The following LRRC4C variants were observed in gnomAD, a reference collection of about 807,000 sequenced individuals.
The protein encoded by LRRC4C is leucine-rich repeat-containing protein 4C.
LRRC4C carries 5 observed loss-of-function variants against 33.6 expected under a neutral mutation model. The observed-to-expected ratio is 0.15, with a 90% CI of 0.08 to 0.31. The LOEUF (loss-of-function observed/expected upper bound fraction) is 0.31, where lower values mean the gene tolerates loss of function less well. LRRC4C is among the 10% of genes least tolerant of loss of function. The pLI is 1.00. For missense variants in LRRC4C, 560 were observed against 796.7 expected, an observed-to-expected ratio of 0.70 and a Z score of 3.58; for synonymous variants, 329 against 302.0, an observed-to-expected ratio of 1.09 and a Z score of -0.93.
intron 3 of LRRC4C, among the ~76,000 whole-genome samples, chr11:40,467,309 T>G (rs1254761205): frequency 6.6e-6 from 1 of 152,128 alleles, no homozygotes; most frequent in Non-Finnish European, 1.5e-5. Context: ...TGTGTGAGAC[T>G]AATTTCTTTT....
chr11:40,178,285 C>T (rs1009227463), intron 5 of LRRC4C, among the ~76,000 whole-genome samples: 1 of 152,126 alleles, frequency 6.6e-6, no homozygotes, highest in African/African-American at 2.4e-5. Context: ...ATTCTGCCTA[C>T]CTAAACTGGG....
intron 2 of LRRC4C, among the ~76,000 whole-genome samples, chr11:40,668,185 T>G (rs2136253244): frequency 6.6e-6 from 1 of 152,348 alleles, no homozygotes; most frequent in African/African-American, 2.4e-5. Context: ...TATAAATATG[T>G]TTATAAATGA....
intron 2 of LRRC4C, among the ~76,000 whole-genome samples, chr11:40,711,018 C>T (rs1350362360): frequency 6.6e-6 from 1 of 152,188 alleles, no homozygotes; most frequent in Non-Finnish European, 1.5e-5. Context: ...GATAAAATCT[C>T]CTGGTGTGCC....
chr11:40,530,721 A>G (rs1293388911), intron 3 of LRRC4C, among the ~76,000 whole-genome samples: 4 of 152,180 alleles, frequency 2.6e-5, no homozygotes, highest in Admixed American at 2.6e-4. Flanking sequence ...TGAATGAGAT[A>G]AGGCCCCGTC....
chr11:41,384,217 T>C (rs1953266040), intron 1 of LRRC4C, among the ~76,000 whole-genome samples: 1 of 151,994 alleles, frequency 6.6e-6, no homozygotes, highest in Non-Finnish European at 1.5e-5. Flanking sequence ...TCAACTTTTC[T>C]GTAGTACTTC....
intron 5 of LRRC4C, among the ~76,000 whole-genome samples, chr11:40,181,249 A>G (rs552507063): frequency 6.6e-6 from 1 of 152,160 alleles, no homozygotes; most frequent in African/African-American, 2.4e-5. Context: ...CTCCCATTTG[A>G]GTACCATGCA....
chr11:41,179,077 G>A (rs995627035), intron 1 of LRRC4C, among the ~76,000 whole-genome samples: 1 of 151,994 alleles, frequency 6.6e-6, no homozygotes, highest in Non-Finnish European at 1.5e-5. Flanking sequence ...CACTGGTGCA[G>A]CTAGATTAAA....
At chr11:40,238,956 C>T (rs949784388) in intron 5 of LRRC4C, among the ~76,000 whole-genome samples, 1 of 152,108 alleles carries the variant, frequency 6.6e-6, no homozygotes, top group South Asian at 2.1e-4. Flanking sequence ...GTAACAGTCC[C>T]ATACAAGACC....
At chr11:41,290,210 T>C (rs1224554351) in intron 1 of LRRC4C, among the ~76,000 whole-genome samples, 2 of 152,188 alleles carry the variant, frequency 1.3e-5, no homozygotes, top group Non-Finnish European at 2.9e-5. Context: ...AGTTTAATGA[T>C]GTAGTATGGT....
At chr11:40,642,353 G>C (rs1224395661) in intron 3 of LRRC4C, among the ~76,000 whole-genome samples, 1 of 152,156 alleles carries the variant, frequency 6.6e-6, no homozygotes, top group Non-Finnish European at 1.5e-5. Context: ...ATCTAGAAAT[G>C]TTAAAGAATT....
chr11:40,858,110 A>G (rs1030731611), intron 2 of LRRC4C, among the ~76,000 whole-genome samples: 1 of 152,128 alleles, frequency 6.6e-6, no homozygotes, highest in Non-Finnish European at 1.5e-5. Context: ...AATTAAATTA[A>G]AATAAAATAA....
chr11:40,757,076 C>G (rs377589529), intron 2 of LRRC4C, among the ~76,000 whole-genome samples: 100 of 152,114 alleles, frequency 6.6e-4, no homozygotes, highest in African/African-American at 2.2e-3. Flanking sequence ...AAGGACTGTT[C>G]TTGAAACCTT....
chr11:41,246,304 A>T (rs762535084), intron 1 of LRRC4C, among the ~76,000 whole-genome samples: 2 of 152,136 alleles, frequency 1.3e-5, no homozygotes, highest in Non-Finnish European at 2.9e-5. Flanking sequence ...TGCCCCAAGC[A>T]TGTACACACC....
intron 3 of LRRC4C, among the ~76,000 whole-genome samples, chr11:40,401,943 C>G (rs1949776365): frequency 6.6e-6 from 1 of 151,890 alleles, no homozygotes; most frequent in Admixed American, 6.6e-5. Flanking sequence ...AAATAAATAG[C>G]TATACCTCTG....
At chr11:40,288,215 A>G (rs1192198882) in intron 4 of LRRC4C, among the ~76,000 whole-genome samples, 1 of 152,196 alleles carries the variant, frequency 6.6e-6, no homozygotes, top group African/African-American at 2.4e-5. Flanking sequence ...TTAAGATGCT[A>G]GAGTCCAAGT....
intron 1 of LRRC4C, among the ~76,000 whole-genome samples, chr11:41,344,666 T>C (rs577429319): frequency 6.6e-6 from 1 of 152,200 alleles, no homozygotes; most frequent in Non-Finnish European, 1.5e-5. Context: ...AGCACACACA[T>C]GGACAAGATT....
intron 1 of LRRC4C, among the ~76,000 whole-genome samples, chr11:41,107,593 G>A (rs1941581506): frequency 6.6e-6 from 1 of 152,034 alleles, no homozygotes; most frequent in Admixed American, 6.6e-5. Flanking sequence ...ATTTAAATGA[G>A]AAGATTTTAT....
At chr11:40,483,783 G>GTATATATATGTATATGTATGTATATACA (rs1489106519) in intron 3 of LRRC4C, among the ~76,000 whole-genome samples, 1 of 141,222 alleles carries the variant, frequency 7.1e-6, no homozygotes, top group Non-Finnish European at 1.5e-5. Flanking sequence ...GTATATATAT[G>GTATATATATGTATATGTATGTATATACA]TATATATATG....
chr11:40,889,429 G>A (rs754675457), intron 2 of LRRC4C, among the ~76,000 whole-genome samples: 1 of 151,968 alleles, frequency 6.6e-6, no homozygotes, highest in Non-Finnish European at 1.5e-5. Context: ...ATTGTGGGGA[G>A]AGTTTATGTG....
Sources: gnomAD v4.1 joint callset for allele counts (sites outside exome capture counted in the v4.1 genomes callset) on GRCh38, gnomAD v4.1.1 for gene constraint, MANE v1.5 for transcripts, NCBI Gene and HGNC (gene_info 2026-07-23, HGNC 2026-07-21) for gene names.